The following AJAP1 variants were observed in gnomAD, a reference collection of about 807,000 sequenced individuals.
AJAP1 encodes the protein adherens junctions associated protein 1.
In AJAP1, 5 loss-of-function variants were observed where a neutral mutation model predicts 35.0. That is an observed-to-expected ratio of 0.14 (90% CI 0.07 to 0.30). The LOEUF is 0.30. AJAP1 is among the 10% of genes least tolerant of loss of function. AJAP1 has a pLI of 1.00. For missense variants in AJAP1, 586 were observed against 571.0 expected (o/e 1.03, Z -0.27); for synonymous variants, 284 against 249.3 (o/e 1.14, Z -1.31).
At chr1:4,758,997 A>G (rs137896991) in intron 2 of AJAP1, among the ~76,000 whole-genome samples, 14 of 152,354 alleles carry the variant, frequency 9.2e-5, no homozygotes, top group Non-Finnish European at 1.5e-4. Flanking sequence ...ACCAGAGCTC[A>G]GGTCGGGATG....
chr1:4,773,590 A>C (rs1641885879), intron 4 of AJAP1, among the ~76,000 whole-genome samples: 1 of 152,224 alleles, frequency 6.6e-6, no homozygotes, highest in Non-Finnish European at 1.5e-5. Context: ...AGAACCTCAG[A>C]ACTGTTGTTC....
chr1:4,655,614 G>T lies in AJAP1; in HGVS notation c.29+160G>T, dbSNP rs1638861448. 6.6e-6 allele frequency among the ~76,000 whole-genome samples: 1 copy of T among 151,214 alleles called. No homozygotes were observed. The highest frequency in any genetic ancestry group is 2.1e-4 in the South Asian group (1 of 4,822). ...AGCCGGAAAGGGGCGCCCGCCCGGA[G>T]CCTGGAGCAGCACCGCGGCCCTGGC... On this transcript the variant is annotated intron_variant, in intron 1 of 5. Transcript: ENST00000378191. The surrounding 1 kb of genome is among the most constrained non-coding windows in gnomAD (Gnocchi z 6.9).
At chr1:4,752,942 G>A (rs962884694) in intron 2 of AJAP1, among the ~76,000 whole-genome samples, 3 of 152,098 alleles carry the variant, frequency 2.0e-5, no homozygotes, top group Non-Finnish European at 4.4e-5. Flanking sequence ...CAAACTTCCC[G>A]CCAACCCTTC....
chr1:4,730,610 C>T (rs995393332), intron 2 of AJAP1, among the ~76,000 whole-genome samples: 3 of 152,208 alleles, frequency 2.0e-5, no homozygotes, highest in Admixed American at 6.5e-5. Context: ...CCCTCTGCAC[C>T]TAGCAAAGGC....
At chr1:4,737,365 T>G (rs940550260) in intron 2 of AJAP1, among the ~76,000 whole-genome samples, 1 of 151,962 alleles carries the variant, frequency 6.6e-6, no homozygotes, top group African/African-American at 2.4e-5. Flanking sequence ...GGAAATGCCA[T>G]AGCACTGATT....
At chr1:4,690,839 G>A (rs757245683) in intron 1 of AJAP1, among the ~76,000 whole-genome samples, 5 of 152,194 alleles carry the variant, frequency 3.3e-5, no homozygotes, top group Admixed American at 2.0e-4. Flanking sequence ...AGCAAGGGGC[G>A]TCTATGCCTG....
chr1:4,764,211 C>G lies in AJAP1; in HGVS notation c.830-5642C>G, dbSNP rs549494185. On this transcript the variant is annotated intron_variant, in intron 2 of 5. Coordinates refer to ENST00000378191, the MANE Select transcript of AJAP1 (RefSeq NM_018836.4). ...CATTGGTTTTGTTTCTCTGGAGAACCCTGACGAATACATTCACCCCTTGGA... is the reference window on the plus strand; with the variant it reads ...CATTGGTTTTGTTTCTCTGGAGAACGCTGACGAATACATTCACCCCTTGGA... 5.9e-5 allele frequency among the ~76,000 whole-genome samples: 9 copies of G among 152,268 alleles called. No individual in the cohort carries two copies. The South Asian group carries it at 1.4e-3, about 25-fold the overall frequency.
intron 2 of AJAP1, among the ~76,000 whole-genome samples, chr1:4,752,150 G>A (rs1641333084): frequency 6.6e-6 from 1 of 151,812 alleles, no homozygotes; most frequent in Non-Finnish European, 1.5e-5. Context: ...AACAGAGGGA[G>A]GGGAGGAGGA....
chr1:4,693,680 A>G lies in AJAP1; in HGVS notation c.30-18220A>G, dbSNP rs1363125259. On this transcript the variant is annotated intron_variant, in intron 1 of 5. Coordinates refer to ENST00000378191, the MANE Select transcript of AJAP1 (RefSeq NM_018836.4). This position sits in a 1 kb window ranked among gnomAD's most constrained non-coding sequence, Gnocchi z 4.4. ...GGCATTTTATAAAAAGCAGAGATTTATTTCTCACAGTTCTGGAGGCTGGGG... is the reference window on the plus strand; with the variant it reads ...GGCATTTTATAAAAAGCAGAGATTTGTTTCTCACAGTTCTGGAGGCTGGGG... 6.6e-6 allele frequency among the ~76,000 whole-genome samples: 1 copy of G among 152,134 alleles called. No homozygotes were observed. The highest frequency in any genetic ancestry group is 1.5e-5 in the Non-Finnish European group (1 of 68,018).
chr1:4,757,820 A>G (rs1462730607), intron 2 of AJAP1, among the ~76,000 whole-genome samples: 4 of 152,124 alleles, frequency 2.6e-5, no homozygotes, highest in Non-Finnish European at 5.9e-5. Flanking sequence ...ATGAGTGAAG[A>G]GTGCTTTTCT....
At chr1:4,768,780 A>G (rs561230353) in intron 2 of AJAP1, among the ~76,000 whole-genome samples, 2 of 152,242 alleles carry the variant, frequency 1.3e-5, no homozygotes, top group Admixed American at 1.3e-4. Flanking sequence ...CTCAGGTGCT[A>G]AAGTGGACCT....
chr1:4,754,036 G>A (rs1241290512), intron 2 of AJAP1, among the ~76,000 whole-genome samples: 1 of 152,160 alleles, frequency 6.6e-6, no homozygotes, highest in African/African-American at 2.4e-5. Context: ...TGCATGAAAA[G>A]CTATAGAGAT....
At chr1:4,732,333 C>T (rs763224940) in intron 2 of AJAP1, among the ~76,000 whole-genome samples, 5 of 152,368 alleles carry the variant, frequency 3.3e-5, no homozygotes, top group Non-Finnish European at 5.9e-5. Flanking sequence ...TAAGACCTGG[C>T]ATGGCTGAGG....
rs1641797825 is a variant in AJAP1 at position 4,769,949 on chromosome 1, C to T, written c.917+9C>T. The T allele has an allele frequency of 6.2e-7, 1 of 1,608,776 alleles. No homozygotes were observed. Among genetic ancestry groups the T allele is most frequent in the Non-Finnish European group, 8.5e-7 (1 of 1,175,300 alleles). ...CTTGTCTTAAAAAATTGGTAAGGCT[C>T]CTTGGGCCCTTCTGGCCCAGAAATG... On this transcript the variant is annotated intron_variant, in intron 3 of 5. Transcript: ENST00000378191.
At chr1:4,773,768 G>C (rs559869778) in intron 4 of AJAP1, among the ~76,000 whole-genome samples, 59 of 152,364 alleles carry the variant, frequency 3.9e-4, no homozygotes, top group African/African-American at 1.4e-3. Flanking sequence ...TGCTTGGGCC[G>C]TGTGGGTAGA....
chr1:4,774,526 G>C lies in AJAP1; in HGVS notation c.*27G>C, dbSNP rs763906105. 1 of 1,607,352 alleles carries C rather than the reference G, an allele frequency of 6.2e-7. No individual in the cohort carries two copies. The highest frequency in any genetic ancestry group is 1.3e-5 in the African/African-American group (1 of 74,882). On this transcript the variant is annotated 3_prime_UTR_variant, in exon 5 of 6. Coordinates refer to ENST00000378191, the MANE Select transcript of AJAP1 (RefSeq NM_018836.4). Reference sequence around the variant, plus strand: ...TGGCCGAAGTCTTTTTTACCTCCTGGGGGCAGGGCAGACGCCGTGTGTCTG... The same window carrying C: ...TGGCCGAAGTCTTTTTTACCTCCTGCGGGCAGGGCAGACGCCGTGTGTCTG...
rs1168705718 is a variant in AJAP1, at chr1:4,787,700, C to G, written c.*5215C>G. The G allele has an allele frequency of 2.2e-6, 1 of 456,164 alleles. No individual in the cohort carries two copies. The highest frequency in any genetic ancestry group is 7.0e-5 in the East Asian group (1 of 14,342). The allele number at this position is 456,164 out of a possible 1,614,324, so 28.3% of individuals were successfully genotyped here. A position where few individuals can be genotyped will look rare whatever the true frequency, so the allele number is the denominator to read the frequency against. ...CCAGCCCCTCCCATGTTGGTCCCAT[C>G]TGTCAGGTTGCCAGGCCAAGCAGGT... On this transcript the variant is annotated 3_prime_UTR_variant, in exon 6 of 6. Transcript: ENST00000378191.
At position 4,782,525 on chromosome 1, in the gene AJAP1, C is replaced by G. The variant is rs1403300610; in HGVS notation, c.*60-20C>G. The G allele has an allele frequency of 2.6e-6, 1 of 377,836 alleles. No homozygotes were observed. Among genetic ancestry groups the G allele is most frequent in the Non-Finnish European group, 4.7e-6 (1 of 213,518 alleles). 23.4% of individuals were successfully genotyped at this position (377,836 alleles called of 1,614,324 possible). A position where few individuals can be genotyped will look rare whatever the true frequency, so the allele number is the denominator to read the frequency against. ...TCGGCGTGCTGCCATTTAATCTCTT[C>G]TTGTTTTCTTTCCACACAGGATTCC... On this transcript the variant is annotated intron_variant, in intron 5 of 5. Transcript: ENST00000378191. The surrounding 1 kb of genome is among the most constrained non-coding windows in gnomAD (Gnocchi z 5.3).
chr1:4,685,252 A>T (rs1389334488), intron 1 of AJAP1, among the ~76,000 whole-genome samples: 1 of 152,236 alleles, frequency 6.6e-6, no homozygotes, highest in African/African-American at 2.4e-5. Context: ...TGCACCATCA[A>T]TACATTACCT....
Sources: gnomAD v4.1 joint callset for allele counts (sites outside exome capture counted in the v4.1 genomes callset) on GRCh38, gnomAD v4.1.1 for gene constraint, Gnocchi (gnomAD v3.1) non-coding constraint, MANE v1.5 for transcripts, NCBI Gene and HGNC (gene_info 2026-07-23, HGNC 2026-07-21) for gene names.